The following DCAF8 variants were observed in gnomAD, a reference collection of about 807,000 sequenced individuals.
DCAF8 encodes DDB1- and CUL4-associated factor 8.
In DCAF8, 20 loss-of-function variants were observed where a neutral mutation model predicts 68.0. The observed-to-expected ratio is 0.29, with a 90% CI of 0.21 to 0.43. The LOEUF is 0.43. Ranked by LOEUF, DCAF8 falls within the 20% of genes least tolerant of loss-of-function variation. The pLI is 1.00. For synonymous variants in DCAF8, 230 were observed against 276.9 expected, an observed-to-expected ratio of 0.83 and a Z score of 1.68; for missense variants, 460 against 771.0, an observed-to-expected ratio of 0.60 and a Z score of 4.78.
intron 6 of DCAF8, among the ~76,000 whole-genome samples, chr1:160,233,308 G>C (rs924631140): frequency 6.6e-6 from 1 of 152,096 alleles, no homozygotes; most frequent in East Asian, 1.9e-4. Flanking sequence ...CAGCACTTTG[G>C]GAGACTGAGG....
At chr1:160,248,962 C>T (rs551024198) in intron 2 of DCAF8, among the ~76,000 whole-genome samples, 3 of 151,718 alleles carry the variant, frequency 2.0e-5, no homozygotes, top group African/African-American at 4.8e-5. Context: ...GAGGCTGAGG[C>T]GGGCAGATCA....
intron 10 of DCAF8, 89 bp downstream of exon 10, chr1:160,224,353 T>G (rs1571081511): frequency 3.2e-6 from 3 of 923,702 alleles, no homozygotes. Flanking sequence ...CACAGGCAGG[T>G]AGTTTCTATT....
chr1:160,251,668 A>G (rs960477687), intron 2 of DCAF8, among the ~76,000 whole-genome samples: 1 of 151,984 alleles, frequency 6.6e-6, no homozygotes, highest in Non-Finnish European at 1.5e-5. Flanking sequence ...GGTGGGGAAC[A>G]TGTTGCCCAG....
In DCAF8 at chr1:160,240,244, C is replaced by T. The variant is rs569565411; in HGVS notation, c.176G>A (p.Arg59His). ...TGTGCCTCGACTTTCTGTGCTGGTG[C>T]GGTTGGGGCCACCATCATCCCCAGT... ...SLTGDDGGPNRTSTESRGTDT... is the reference protein window; with the variant it reads ...SLTGDDGGPNHTSTESRGTDT... The change falls in exon 4 of 14, where the codon CGC (arginine) becomes CAC (histidine). Residue 59 changes from arginine to histidine, a missense_variant. Physicochemically the swap from Arg to His is conservative, Grantham distance 29 (BLOSUM62 0). Transcript: ENST00000368074. 17 of 1,614,056 alleles carry T rather than the reference C, an allele frequency of 1.1e-5. No individual in the cohort carries two copies. The highest frequency in any genetic ancestry group is 1.3e-5 in the African/African-American group (1 of 75,034).
chr1:160,259,020 T>C (rs995345970), intron 2 of DCAF8, among the ~76,000 whole-genome samples: 3 of 152,288 alleles, frequency 2.0e-5, no homozygotes, highest in Admixed American at 1.3e-4. Flanking sequence ...AATCCTTACC[T>C]TACAATGGAG....
rs779183169 is a variant in DCAF8 at position 160,218,986 on chromosome 1, A to G, written c.1441-18T>C. On this transcript the variant is annotated intron_variant, in intron 11 of 13. Transcript: ENST00000368074. Reference sequence around the variant, plus strand: ...CAGTTTACCTGGTCAGGAAGAAAGGAAAACACAGACTCAGCAGTGTGTGGG... The same window carrying G: ...CAGTTTACCTGGTCAGGAAGAAAGGGAAACACAGACTCAGCAGTGTGTGGG... 3.1e-6 allele frequency: 5 copies of G among 1,613,874 alleles called. No homozygotes were observed. The Admixed American group carries it at 8.3e-5, about 27-fold the overall frequency.
intron 12 of DCAF8, 149 bp downstream of exon 12, chr1:160,218,700 C>T: frequency 1.6e-6 from 2 of 1,238,372 alleles, no homozygotes; most frequent in Non-Finnish European, 2.3e-6. Flanking sequence ...CAGGACTATT[C>T]CTACAGAGGA....
intron 6 of DCAF8, among the ~76,000 whole-genome samples, chr1:160,235,909 T>C (rs1414190833): frequency 2.0e-5 from 3 of 152,136 alleles, no homozygotes; most frequent in African/African-American, 7.2e-5. Context: ...CAGCTAATTT[T>C]TGTATTTTTA....
intron 2 of DCAF8, among the ~76,000 whole-genome samples, chr1:160,250,665 G>A (rs904611322): frequency 6.6e-6 from 1 of 152,040 alleles, no homozygotes; most frequent in Admixed American, 6.5e-5. Context: ...GTGCTGAAAG[G>A]ATTTTTGCTG....
At chr1:160,252,352 C>T (rs1471207109) in intron 2 of DCAF8, among the ~76,000 whole-genome samples, 2 of 152,060 alleles carry the variant, frequency 1.3e-5, no homozygotes, top group Admixed American at 6.5e-5. Context: ...CAGGGAAAAA[C>T]GAAATGCTTC....
intron 11 of DCAF8, 40 bp from the exon 12 acceptor site, chr1:160,219,008 T>G (rs1225879999): frequency 6.2e-7 from 1 of 1,611,588 alleles, no homozygotes; most frequent in South Asian, 1.1e-5. Flanking sequence ...CAGCAGTGTG[T>G]GGGAGTAGGG....
At chr1:160,239,293 T>C in intron 4 of DCAF8, 1 of 1,134,854 alleles carries the variant, frequency 8.8e-7, no homozygotes. Context: ...TACTTAATCC[T>C]CATAACCCTA....
intron 11 of DCAF8, among the ~76,000 whole-genome samples, chr1:160,221,407 C>CTA (rs1001148408): frequency 6.6e-6 from 1 of 152,180 alleles, no homozygotes; most frequent in African/African-American, 2.4e-5. Context: ...CCTTGAACTT[C>CTA]TAGACTCCTC....
intron 2 of DCAF8, 51 bp from the exon 3 acceptor site, chr1:160,244,085 A>G: frequency 4.6e-6 from 6 of 1,301,990 alleles, no homozygotes; most frequent in Non-Finnish European, 6.7e-6. Flanking sequence ...CACCTGGGAA[A>G]GAAGACAATA....
intron 5 of DCAF8, 110 bp from the exon 6 acceptor site, chr1:160,237,339 G>T: frequency 4.2e-6 from 3 of 718,582 alleles, no homozygotes; most frequent in Non-Finnish European, 4.6e-6. Flanking sequence ...TCCAAAAAGA[G>T]AAATGTCTAC....
intron 2 of DCAF8, among the ~76,000 whole-genome samples, chr1:160,259,273 A>G (rs1444075492): frequency 6.6e-6 from 1 of 152,148 alleles, no homozygotes; most frequent in Non-Finnish European, 1.5e-5. Context: ...GGTGGTTCAC[A>G]CCTGTAATCC....
chr1:160,255,579 A>T (rs1052746710), intron 2 of DCAF8, among the ~76,000 whole-genome samples: 1 of 152,128 alleles, frequency 6.6e-6, no homozygotes, highest in Non-Finnish European at 1.5e-5. Context: ...GGTAACATAA[A>T]ATGCCCAGTG....
chr1:160,236,183 CTAAAA>C (rs1260488884), intron 6 of DCAF8, among the ~76,000 whole-genome samples: 2 of 151,736 alleles, frequency 1.3e-5, no homozygotes, highest in Non-Finnish European at 2.9e-5. Context: ...AAAAAAGAAA[CTAAAA>C]TAATTATAAT....
intron 12 of DCAF8, 44 bp downstream of exon 12, chr1:160,218,805 G>A: frequency 6.2e-7 from 1 of 1,611,982 alleles, no homozygotes; most frequent in Non-Finnish European, 8.5e-7. Context: ...TCAACAGTAT[G>A]TGGATAAGCA....
Sources: gnomAD v4.1 joint callset for allele counts (sites outside exome capture counted in the v4.1 genomes callset) on GRCh38, gnomAD v4.1.1 for gene constraint, MANE v1.5 for transcripts, NCBI Gene and HGNC (gene_info 2026-07-23, HGNC 2026-07-21) for gene names.